Variants in SLC25A39 observed in about 807,000 individuals in gnomAD.
SLC25A39 encodes the protein mitochondrial glutathione transporter SLC25A39.
Under a neutral mutation model 46.6 loss-of-function variants are expected in SLC25A39, and 44 were observed. The observed-to-expected ratio is 0.94, with a 90% confidence interval of 0.74 to 1.21. SLC25A39 has a LOEUF of 1.21. Among genes scored for constraint, SLC25A39 ranks in the 50% most tolerant of loss-of-function variants. The pLI is 0.00. For missense variants in SLC25A39, 487 were observed against 473.0 expected, an observed-to-expected ratio of 1.03 and a Z score of -0.28; for synonymous variants, 218 against 190.6, an observed-to-expected ratio of 1.14 and a Z score of -1.19.
Position 44,320,713 on chromosome 17 carries a change from T to TA in SLC25A39, c.709dup (p.Tyr237LeufsTer2). The TA allele has an allele frequency of 6.2e-7, 1 of 1,613,912 alleles. No individual in the cohort carries two copies. Among genetic ancestry groups the TA allele is most frequent in the Non-Finnish European group, 8.5e-7 (1 of 1,179,902 alleles). On this transcript the variant is annotated frameshift_variant, in exon 9 of 12. Transcript: ENST00000377095. LOFTEE classifies it high-confidence loss of function. ...ATTGAGCCAGCTCTTCACCAGCTCA[T>TA]AGTTGAACCAGTACAGGGCTTGGGG...
chr17:44,323,719 A>G (rs1027550127), intron 1 of SLC25A39, 142 bp from the exon 2 acceptor site: 143 of 623,758 alleles, frequency 2.3e-4, no homozygotes, highest in Admixed American at 4.0e-4. Context: ...ATCTTGGCTC[A>G]CTGCAACATC....
intron 5 of SLC25A39, among the ~76,000 whole-genome samples, 167 bp downstream of exon 5, chr17:44,322,252 G>T (rs1315250218): frequency 6.6e-6 from 1 of 152,118 alleles, no homozygotes; most frequent in African/African-American, 2.4e-5. Flanking sequence ...CTGTCTAAAA[G>T]AAAACAAACA....
chr17:44,320,209 C>T lies in SLC25A39; in HGVS notation c.951G>A (p.Lys317=), dbSNP rs142600826. 140 of 1,613,870 alleles carry T rather than the reference C, an allele frequency of 8.7e-5. No homozygotes were observed. In the African/African-American group the frequency reaches 1.7e-3, roughly 20 times the overall value. ...LRRIRAESGT[K]GLFAGFLPRI... ...CCACACACTGACCTGCAAAGAGTCC[C>T]TTGGTGCCCGACTCGGCCCGGATCC... The change falls in exon 11 of 12, where the codon AAG becomes AAA. Residue 317 remains lysine (K), a synonymous_variant. Coordinates refer to ENST00000377095, the MANE Select transcript of SLC25A39 (RefSeq NM_001143780.3).
chr17:44,323,427 C>A (rs757014685), intron 2 of SLC25A39, 51 bp downstream of exon 2: 5 of 1,529,356 alleles, frequency 3.3e-6, no homozygotes, highest in South Asian at 1.2e-5. Context: ...CCTCCAATCT[C>A]CGGTCTGCCC....
At chr17:44,322,607 G>A in intron 4 of SLC25A39, 55 bp from the exon 5 acceptor site, 2 of 1,594,716 alleles carry the variant, frequency 1.3e-6, no homozygotes, top group South Asian at 2.2e-5. Flanking sequence ...TTGCAGGGAG[G>A]CAGTGGGCCC....
At position 44,322,556 on chromosome 17, in the gene SLC25A39, G is replaced by C. The variant is rs765945695; in HGVS notation, c.191-4C>G. 5.0e-6 allele frequency: 8 copies of C among 1,613,846 alleles called. No individual in the cohort carries two copies. Among genetic ancestry groups the C allele is most frequent in the Non-Finnish European group, 6.8e-6 (8 of 1,179,876 alleles). ...GTGGATTGGAGAGAGGAGGGCACTG[G>C]GGAAAGGCAGGGGGCATTATAATGA... On this transcript the variant is annotated splice_polypyrimidine_tract_variant and splice_region_variant and intron_variant, in intron 4 of 11. Coordinates refer to ENST00000377095, the MANE Select transcript of SLC25A39 (RefSeq NM_001143780.3).
At position 44,320,721 on chromosome 17, in the gene SLC25A39, C is replaced by G. The variant is rs758160607; in HGVS notation, c.702G>C (p.Trp234Cys). 7.4e-6 allele frequency: 12 copies of G among 1,613,688 alleles called. No homozygotes were observed. The South Asian group carries it at 1.3e-4, about 18-fold the overall frequency. ...LRDVPFSALYWFNYELVKSWL... is the reference protein window; with the variant it reads ...LRDVPFSALYCFNYELVKSWL... ...AGCTCTTCACCAGCTCATAGTTGAA[C>G]CAGTACAGGGCTTGGGGTGGGGGAT... Residue 234 changes from tryptophan (W) to cysteine (C), a missense_variant, in exon 9 of 12, where the codon TGG becomes TGC. Trp to Cys is a radical substitution (Grantham distance 215). Coordinates refer to ENST00000377095, the MANE Select transcript of SLC25A39 (RefSeq NM_001143780.3).
chr17:44,322,936 T>C, intron 3 of SLC25A39, 84 bp from the exon 4 acceptor site: 2 of 1,463,070 alleles, frequency 1.4e-6, no homozygotes, highest in Non-Finnish European at 1.9e-6. Context: ...TTTATTTTAT[T>C]TTTTGAGATG....
chr17:44,319,755 G>A lies in SLC25A39; in HGVS notation c.*246C>T. ...ACAGGGAAACACGAAGGGGGCAGCT[G>A]GAAGATTTGGTCTTGAACTTGGGGG... On this transcript the variant is annotated 3_prime_UTR_variant, in exon 12 of 12. Coordinates refer to ENST00000377095, the MANE Select transcript of SLC25A39 (RefSeq NM_001143780.3). 1 of 523,186 alleles carries A rather than the reference G, an allele frequency of 1.9e-6. No individual in the cohort carries two copies. The highest frequency in any genetic ancestry group is 2.1e-5 in the South Asian group (1 of 48,066). The allele number at this position is 523,186 out of a possible 1,614,324, so 32.4% of individuals were successfully genotyped here. A position where few individuals can be genotyped will look rare whatever the true frequency, so the allele number is the denominator to read the frequency against.
chr17:44,320,914 G>C, intron 8 of SLC25A39, 144 bp downstream of exon 8: 1 of 1,092,826 alleles, frequency 9.2e-7, no homozygotes, highest in Non-Finnish European at 1.3e-6. Flanking sequence ...TACCTGCTAG[G>C]CCCACTTCAC....
chr17:44,323,700 A>T, intron 1 of SLC25A39, 123 bp from the exon 2 acceptor site: 1 of 675,428 alleles, frequency 1.5e-6, no homozygotes, highest in Non-Finnish European at 2.5e-6. Flanking sequence ...GCTGGAGTGC[A>T]GTGGCACCAT....
intron 7 of SLC25A39, 40 bp downstream of exon 7, chr17:44,321,394 T>C (rs1598343165): frequency 1.9e-6 from 3 of 1,612,130 alleles, no homozygotes; most frequent in Admixed American, 1.7e-5. Context: ...TGGGCCGAGG[T>C]GGGGACAGAG....
intron 4 of SLC25A39, 94 bp from the exon 5 acceptor site, chr17:44,322,646 G>A (rs2048086576): frequency 1.9e-6 from 3 of 1,565,342 alleles, no homozygotes; most frequent in Non-Finnish European, 2.6e-6. Flanking sequence ...TAAAGGCCAG[G>A]TCCCTGTGTG....
At chr17:44,323,671 C>T (rs184646845) in intron 1 of SLC25A39, 94 bp from the exon 2 acceptor site, 1 of 843,764 alleles carries the variant, frequency 1.2e-6, no homozygotes, top group Non-Finnish European at 1.9e-6. Flanking sequence ...CGGCGTCTCG[C>T]TCTGCGCACT....
intron 1 of SLC25A39, 57 bp from the exon 2 acceptor site, chr17:44,323,634 G>T: frequency 7.7e-7 from 1 of 1,297,064 alleles, no homozygotes; most frequent in Non-Finnish European, 1.1e-6. Flanking sequence ...AAGGAGGCTG[G>T]GCCACTGTGA....
chr17:44,323,439 A>AGCCCCCCCCCCCCCCCCC, intron 2 of SLC25A39, 39 bp downstream of exon 2: 5 of 257,080 alleles, frequency 1.9e-5, no homozygotes, highest in Non-Finnish European at 2.3e-5. Flanking sequence ...GGTCTGCCCC[A>AGCCCCCCCCCCCCCCCCC]TCCCCACCCG....
rs1567866002 is a variant in SLC25A39 at position 44,321,117 on chromosome 17, C to G, written c.632G>C (p.Gly211Ala). The G allele has an allele frequency of 6.2e-7, 1 of 1,612,572 alleles. No individual in the cohort carries two copies. The highest frequency in any genetic ancestry group is 1.3e-5 in the African/African-American group (1 of 75,052). Residue 211 changes from glycine to alanine, a missense_variant, in exon 8 of 12, where the codon GGC becomes GCC. Gly to Ala is a moderately conservative substitution (Grantham distance 60). Coordinates refer to ENST00000377095, the MANE Select transcript of SLC25A39 (RefSeq NM_001143780.3). ...CCAGCCCAGCCACAGTGAGCGCCAG[C>G]CACCCTGAGCCACTGCAGTTCGAAC... is the stretch of plus-strand genomic sequence containing the variant. ...ACVRTAVAQG[G>A]WRSLWLGWGP...
intron 6 of SLC25A39, 24 bp downstream of exon 6, chr17:44,321,676 G>C (rs762012482): frequency 1.2e-6 from 2 of 1,609,138 alleles, no homozygotes; most frequent in Middle Eastern, 1.7e-4. Context: ...CCAGAGGAGA[G>C]TGGTGCAGGA....
chr17:44,322,721 GTGGAGCCCAC>G, intron 4 of SLC25A39, 77 bp downstream of exon 4: 1 of 1,594,382 alleles, frequency 6.3e-7, no homozygotes, highest in Admixed American at 1.7e-5. Flanking sequence ...GTCCATGGCT[GTGGAGCCCAC>G]TGGTGCCCTG....
Sources: allele counts gnomAD v4.1 joint callset (sites outside exome capture counted in the v4.1 genomes callset), GRCh38; gene constraint gnomAD v4.1.1; transcripts MANE v1.5; gene names NCBI Gene and HGNC (gene_info 2026-07-23, HGNC 2026-07-21).